The following FBXL13 variants were observed in gnomAD, a reference collection of about 807,000 sequenced individuals.
FBXL13 encodes the protein F-box and leucine rich repeat protein 13, also known as F-box and leucine-rich repeat protein 13.
FBXL13 carries 67 observed loss-of-function variants against 83.6 expected under a neutral mutation model. The ratio of observed to expected loss-of-function variants is 0.80; its 90% CI spans 0.66 to 0.98. The LOEUF (loss-of-function observed/expected upper bound fraction) is 0.98, where lower values mean the gene tolerates loss of function less well. Ranked by LOEUF, FBXL13 falls within the 50% of genes least tolerant of loss-of-function variation. The probability of loss-of-function intolerance (pLI) is 0.00; values close to 1 mark genes in which losing one functional copy is unlikely to be tolerated. For synonymous variants in FBXL13, 272 were observed against 299.5 expected, an observed-to-expected ratio of 0.91 and a Z score of 0.95; for missense variants, 822 against 866.5, an observed-to-expected ratio of 0.95 and a Z score of 0.64.
chr7:103,041,487 C>A (rs1795689623), intron 2 of FBXL13, among the ~76,000 whole-genome samples: 1 of 152,132 alleles, frequency 6.6e-6, no homozygotes, highest in African/African-American at 2.4e-5. Context: ...CTAGCATCAT[C>A]CTGATACAAA....
chr7:102,922,887 A>C (rs1032944925), intron 10 of FBXL13, among the ~76,000 whole-genome samples: 13 of 152,156 alleles, frequency 8.5e-5, no homozygotes, highest in Non-Finnish European at 1.8e-4. Context: ...CTGAGGCAGG[A>C]GAATGGCATG....
At chr7:102,933,884 C>T (rs1819699544) in intron 8 of FBXL13, 1 of 1,560,808 alleles carries the variant, frequency 6.4e-7, no homozygotes, top group Non-Finnish European at 8.7e-7. Flanking sequence ...GTCTGTAACA[C>T]GAAGTAATTG....
chr7:102,995,373 C>T (rs773155332), intron 6 of FBXL13, among the ~76,000 whole-genome samples: 4 of 145,490 alleles, frequency 2.7e-5, no homozygotes, highest in Admixed American at 7.1e-5. Flanking sequence ...CCCAACTACT[C>T]GGGAGGCTGA....
chr7:103,011,299 C>T (rs1791587562), intron 6 of FBXL13, among the ~76,000 whole-genome samples: 1 of 152,000 alleles, frequency 6.6e-6, no homozygotes, highest in Non-Finnish European at 1.5e-5. Context: ...CTAAGGAGTA[C>T]AATAAAACAA....
chr7:102,963,577 T>A (rs772555417), exon 8 of FBXL13: 2 of 1,612,840 alleles, frequency 1.2e-6, no homozygotes, highest in Non-Finnish European at 1.7e-6. Context: ...ACCACGAAAA[T>A]TCAAACGCAG....
intron 8 of FBXL13, chr7:102,944,202 GTT>G: frequency 6.3e-7 from 1 of 1,590,158 alleles, no homozygotes; most frequent in African/African-American, 1.4e-5. Context: ...AATATTTTCT[GTT>G]TCCAGCCGCT....
At chr7:103,007,726 CT>C (rs1791129960) in intron 6 of FBXL13, among the ~76,000 whole-genome samples, 1 of 152,110 alleles carries the variant, frequency 6.6e-6, no homozygotes, top group African/African-American at 2.4e-5. Context: ...TTCCGTTACC[CT>C]TTTCCTTTCT....
intron 19 of FBXL13, among the ~76,000 whole-genome samples, chr7:102,817,322 C>T (rs1798148102): frequency 6.6e-6 from 1 of 152,060 alleles, no homozygotes; most frequent in Non-Finnish European, 1.5e-5. Flanking sequence ...GATGATACTT[C>T]ATTGTGATGG....
intron 16 of FBXL13, among the ~76,000 whole-genome samples, chr7:102,860,846 A>G (rs747044711): frequency 3.9e-5 from 6 of 152,154 alleles, no homozygotes; most frequent in Non-Finnish European, 7.3e-5. Context: ...ATACTGACAT[A>G]CACTTCATAT....
At chr7:102,857,128 G>A (rs1806154284) in intron 16 of FBXL13, among the ~76,000 whole-genome samples, 1 of 151,158 alleles carries the variant, frequency 6.6e-6, no homozygotes, top group Admixed American at 6.6e-5. Flanking sequence ...AAACGATAGA[G>A]CTATTAGAAG....
chr7:103,066,791 A>ATT (rs762824127), intron 1 of FBXL13, among the ~76,000 whole-genome samples: 6 of 137,670 alleles, frequency 4.4e-5, no homozygotes, highest in East Asian at 2.1e-4. Context: ...TTTTGTGAGG[A>ATT]TTTTTTTTTT....
intron 6 of FBXL13, among the ~76,000 whole-genome samples, chr7:102,986,744 T>A (rs1380064429): frequency 6.6e-6 from 1 of 150,380 alleles, no homozygotes; most frequent in African/African-American, 2.4e-5. Flanking sequence ...GGAATAAATA[T>A]AACATTTATT....
At chr7:103,009,199 A>G (rs995013110) in intron 6 of FBXL13, among the ~76,000 whole-genome samples, 1 of 152,208 alleles carries the variant, frequency 6.6e-6, no homozygotes, top group Admixed American at 6.5e-5. Context: ...TGACATTTAA[A>G]AAGACAAATA....
At chr7:102,890,416 T>G (rs78501346) in intron 11 of FBXL13, among the ~76,000 whole-genome samples, 7,792 of 152,218 alleles carry the variant, frequency 0.051, 223 homozygotes, top group South Asian at 0.1. Flanking sequence ...CCCCACTGAT[T>G]GGGAAGTTGA....
intron 6 of FBXL13, among the ~76,000 whole-genome samples, chr7:103,001,350 T>G (rs1292945320): frequency 6.6e-6 from 1 of 152,204 alleles, no homozygotes; most frequent in Non-Finnish European, 1.5e-5. Context: ...TCTGGGTCTT[T>G]AAAACAAAAA....
At chr7:103,011,602 C>T (rs1253285410) in intron 6 of FBXL13, among the ~76,000 whole-genome samples, 2 of 149,110 alleles carry the variant, frequency 1.3e-5, no homozygotes, top group African/African-American at 2.5e-5. Flanking sequence ...AGCACCACTA[C>T]ACTCCAGCCT....
chr7:102,934,615 G>A (rs773193596), intron 8 of FBXL13: 27 of 1,612,208 alleles, frequency 1.7e-5, no homozygotes, highest in Non-Finnish European at 2.3e-5. Flanking sequence ...CAGTCATCAA[G>A]CCTGAGGTGG....
At chr7:102,962,425 C>T (rs2129479262) in intron 8 of FBXL13, among the ~76,000 whole-genome samples, 1 of 152,270 alleles carries the variant, frequency 6.6e-6, no homozygotes, top group East Asian at 1.9e-4. Flanking sequence ...GTCAGTGTGG[C>T]TATTCCTCAG....
intron 17 of FBXL13, among the ~76,000 whole-genome samples, chr7:102,854,129 C>T (rs551769185): frequency 8.8e-4 from 134 of 151,960 alleles, no homozygotes; most frequent in Non-Finnish European, 9.6e-4. Flanking sequence ...CCCAAATGTC[C>T]AACAATGATA....
Sources: gnomAD v4.1 joint callset for allele counts (sites outside exome capture counted in the v4.1 genomes callset) on GRCh38, gnomAD v4.1.1 for gene constraint, MANE v1.5 for transcripts, NCBI Gene and HGNC (gene_info 2026-07-23, HGNC 2026-07-21) for gene names.